Variants in SULF1 observed in about 807,000 individuals in gnomAD.
The protein encoded by SULF1 is sulfatase 1.
A neutral mutation model predicts 110.5 loss-of-function variants in SULF1; 46 were observed. The ratio of observed to expected loss-of-function variants is 0.42; its 90% CI spans 0.33 to 0.53. SULF1 has a LOEUF of 0.53. SULF1 is among the 20% of genes least tolerant of loss of function. The pLI, the probability that SULF1 is intolerant of heterozygous loss-of-function variation, is 0.12. For synonymous variants in SULF1, 371 were observed against 387.1 expected, an observed-to-expected ratio of 0.96 and a Z score of 0.49; for missense variants, 941 against 1,094.2, an observed-to-expected ratio of 0.86 and a Z score of 1.98.
At chr8:69,555,728 CT>C (rs1409728818) in intron 3 of SULF1, among the ~76,000 whole-genome samples, 1 of 151,954 alleles carries the variant, frequency 6.6e-6, no homozygotes, top group Non-Finnish European at 1.5e-5. Context: ...AGGTGTTCCT[CT>C]TCCTACATAC....
rs79625923 is a variant in SULF1, at chr8:69,605,341, T to C, written c.1377+409T>C. 5.2e-3 allele frequency among the ~76,000 whole-genome samples: 785 copies of C among 152,294 alleles called. 2 individuals are homozygous for C. The highest frequency in any genetic ancestry group is 8.7e-3 in the Non-Finnish European group (594 of 68,020). On this transcript the variant is annotated intron_variant, in intron 13 of 22. Coordinates refer to ENST00000402687, the MANE Select transcript of SULF1 (RefSeq NM_001128205.2). The stretch of plus-strand genomic sequence containing the variant: ...ACATGATAGGGCCTTCACCCTAGGC[T>C]AAAGTCAGAATGTCATCTTACCCCC...
intron 3 of SULF1, among the ~76,000 whole-genome samples, chr8:69,557,033 G>A (rs184406504): frequency 3.3e-5 from 5 of 152,262 alleles, no homozygotes; most frequent in Admixed American, 6.5e-5. Flanking sequence ...TTGGTTTTCT[G>A]TTCCTACGTT....
intron 13 of SULF1, among the ~76,000 whole-genome samples, chr8:69,619,728 G>A (rs1467416060): frequency 2.6e-5 from 4 of 152,210 alleles, no homozygotes; most frequent in African/African-American, 9.6e-5. Context: ...TGTGCAACAG[G>A]GGTGTGGCAT....
At chr8:69,477,011 T>C (rs112454207) in intron 1 of SULF1, among the ~76,000 whole-genome samples, 1 of 152,282 alleles carries the variant, frequency 6.6e-6, no homozygotes, top group African/African-American at 2.4e-5. Flanking sequence ...GACTGAAACA[T>C]GAGTTGATAT....
Position 69,629,656 on chromosome 8 carries a change from G to A in SULF1, c.2261G>A (p.Trp754Ter). The change falls in exon 19 of 23, where the codon TGG becomes TAG. Residue 754 changes from tryptophan (W) to a stop codon, truncating the protein, a stop_gained. Coordinates refer to ENST00000402687, the MANE Select transcript of SULF1 (RefSeq NM_001128205.2). LOFTEE classifies it high-confidence loss of function. ...LTCFTHDNNH[W>*]QTAPFWNLGS... ...TGCTTCACGCATGACAACAACCACTGGCAGACAGCCCCGTTCTGGAACCGT... is the reference window on the plus strand; with the variant it reads ...TGCTTCACGCATGACAACAACCACTAGCAGACAGCCCCGTTCTGGAACCGT... 1 of 1,610,534 alleles carries A rather than the reference G, an allele frequency of 6.2e-7. No homozygotes were observed. Among genetic ancestry groups the A allele is most frequent in the South Asian group, 1.1e-5 (1 of 90,442 alleles).
At chr8:69,526,493 A>G (rs374800318) in intron 3 of SULF1, among the ~76,000 whole-genome samples, 6 of 151,846 alleles carry the variant, frequency 4.0e-5, no homozygotes, top group African/African-American at 1.2e-4. Context: ...CAGGCATAGT[A>G]GCTCATGCCT....
chr8:69,556,104 AT>A (rs1222275206), intron 3 of SULF1, among the ~76,000 whole-genome samples: 1 of 152,114 alleles, frequency 6.6e-6, no homozygotes, highest in Non-Finnish European at 1.5e-5. Context: ...GGGTATATAT[AT>A]TTATACACAT....
At chr8:69,635,662 C>T (rs1253798329) in intron 19 of SULF1, among the ~76,000 whole-genome samples, 1 of 151,936 alleles carries the variant, frequency 6.6e-6, no homozygotes, top group African/African-American at 2.4e-5. Flanking sequence ...GCTTGAGTGT[C>T]GGAGTTCGAG....
At chr8:69,577,204 G>T (rs1433764097) in intron 6 of SULF1, among the ~76,000 whole-genome samples, 1 of 152,192 alleles carries the variant, frequency 6.6e-6, no homozygotes, top group African/African-American at 2.4e-5. Context: ...AAGAAACTAG[G>T]TTACGTAGAG....
At chr8:69,589,842 T>C (rs1806762074) in intron 8 of SULF1, among the ~76,000 whole-genome samples, 1 of 152,202 alleles carries the variant, frequency 6.6e-6, no homozygotes, top group Non-Finnish European at 1.5e-5. Context: ...CATGATTTTG[T>C]TGTTCACTCA....
chr8:69,566,227 C>G (rs1207697850), intron 5 of SULF1, among the ~76,000 whole-genome samples: 1 of 152,022 alleles, frequency 6.6e-6, no homozygotes, highest in Non-Finnish European at 1.5e-5. Flanking sequence ...TGAAATGGAC[C>G]CATAAGGCTC....
chr8:69,632,491 ATAT>A (rs149570616), intron 19 of SULF1, among the ~76,000 whole-genome samples: 2,297 of 151,924 alleles, frequency 0.015, 53 homozygotes, highest in African/African-American at 0.052. Context: ...TATTTTAATA[ATAT>A]TATTGCTGTA....
intron 3 of SULF1, among the ~76,000 whole-genome samples, chr8:69,559,089 A>G (rs1432049190): frequency 6.6e-6 from 1 of 152,236 alleles, no homozygotes; most frequent in Non-Finnish European, 1.5e-5. Context: ...TGGCTGAAGT[A>G]CAGTAATAAA....
At chr8:69,586,814 C>A (rs1291163705) in intron 7 of SULF1, among the ~76,000 whole-genome samples, 4 of 152,276 alleles carry the variant, frequency 2.6e-5, no homozygotes, top group South Asian at 4.1e-4. Flanking sequence ...CGGACCCAAC[C>A]AAGGACTTGT....
At chr8:69,628,003 A>T in intron 17 of SULF1, 137 bp downstream of exon 17, 2 of 886,378 alleles carry the variant, frequency 2.3e-6, no homozygotes, top group Non-Finnish European at 3.6e-6. Context: ...CTATTTAAGT[A>T]AAACTAAATA....
At chr8:69,486,326 A>ATTT (rs1244590579) in intron 1 of SULF1, among the ~76,000 whole-genome samples, 19 of 151,506 alleles carry the variant, frequency 1.3e-4, no homozygotes, top group Admixed American at 2.6e-4. Context: ...TTTTTTTAAA[A>ATTT]AAAAAAAATC....
chr8:69,530,238 C>T lies in SULF1; in HGVS notation c.-134+28270C>T, dbSNP rs990188027. Among the ~76,000 whole-genome samples, 7 of 152,174 alleles carry T rather than the reference C, an allele frequency of 4.6e-5. No homozygotes were observed. In the East Asian group the frequency reaches 1.4e-3, roughly 30 times the overall value. On this transcript the variant is annotated intron_variant, in intron 3 of 22. Transcript: ENST00000402687. ...ATTTGTCACTAAACGTCAGGCTCAC[C>T]AGGATAGTCAAACATCAGGCTCTTT... is the stretch of plus-strand genomic sequence containing the variant.
intron 13 of SULF1, among the ~76,000 whole-genome samples, chr8:69,606,084 T>A (rs1008932920): frequency 3.9e-5 from 6 of 152,186 alleles, no homozygotes; most frequent in African/African-American, 1.4e-4. Flanking sequence ...GGTAACAAAG[T>A]TATTATTAAA....
chr8:69,580,681 CAT>C (rs1001863372), intron 6 of SULF1, among the ~76,000 whole-genome samples: 44 of 152,294 alleles, frequency 2.9e-4, no homozygotes, highest in African/African-American at 1.1e-3. Flanking sequence ...CATAAAATCA[CAT>C]ATGAGTTAAA....
Sources: allele counts gnomAD v4.1 joint callset (sites outside exome capture counted in the v4.1 genomes callset), GRCh38; gene constraint gnomAD v4.1.1; transcripts MANE v1.5; gene names NCBI Gene and HGNC (gene_info 2026-07-23, HGNC 2026-07-21).